ATAD2B: variants seen among roughly 807,000 people sequenced by gnomAD.
The protein encoded by ATAD2B is ATPase family AAA domain containing 2B.
A neutral mutation model predicts 167.6 loss-of-function variants in ATAD2B; 40 were observed. That is an observed-to-expected ratio of 0.24 (90% confidence interval 0.19 to 0.31). The LOEUF is 0.31. Among genes scored for constraint, ATAD2B ranks in the 10% least tolerant of loss-of-function variants. The pLI is 1.00. For synonymous variants in ATAD2B, 579 were observed against 596.5 expected, an observed-to-expected ratio of 0.97 and a Z score of 0.43; for missense variants, 1,242 against 1,757.2, an observed-to-expected ratio of 0.71 and a Z score of 5.24.
intron 18 of ATAD2B, among the ~76,000 whole-genome samples, chr2:23,799,388 C>T (rs1683099638): frequency 6.6e-6 from 1 of 151,820 alleles, no homozygotes. Context: ...GCCTGTCCAA[C>T]ATGGTGAAAT....
rs576309085 is a variant in ATAD2B, at chr2:23,837,757, G to C, written c.1569-3679C>G. 9.2e-5 allele frequency among the ~76,000 whole-genome samples: 14 copies of C among 152,342 alleles called. No individual in the cohort carries two copies. In the South Asian group the frequency reaches 2.9e-3, roughly 32 times the overall value. ...AGGGGGTTTTTAAATGTCTGGAAAT[G>C]TATATGACGCTTTAGTTTCTATTAT... On this transcript the variant is annotated intron_variant, in intron 13 of 27. Transcript: ENST00000238789.
chr2:23,878,411 G>A (rs568411328), intron 7 of ATAD2B, among the ~76,000 whole-genome samples: 4 of 151,540 alleles, frequency 2.6e-5, no homozygotes, highest in African/African-American at 9.7e-5. Context: ...GTAATCCCAG[G>A]ACTTTGGGAG....
At chr2:23,848,445 A>C (rs1338928426) in intron 13 of ATAD2B, among the ~76,000 whole-genome samples, 7 of 152,134 alleles carry the variant, frequency 4.6e-5, no homozygotes, top group Admixed American at 4.6e-4. Flanking sequence ...GCGCCACTAC[A>C]CTCCAGCCTG....
chr2:23,892,618 C>T (rs1160785111), intron 2 of ATAD2B, among the ~76,000 whole-genome samples: 2 of 152,070 alleles, frequency 1.3e-5, no homozygotes, highest in Non-Finnish European at 2.9e-5. Context: ...TACAGGCACG[C>T]GCCGCCTTGC....
chr2:23,834,113 T>C (rs1689502032), intron 13 of ATAD2B, 35 bp from the exon 14 acceptor site: 1 of 1,317,200 alleles, frequency 7.6e-7, no homozygotes, highest in Non-Finnish European at 1.0e-6. Context: ...TTAAAAGAAT[T>C]GTAAACACTG....
chr2:23,813,332 A>G (rs1181758885), intron 17 of ATAD2B, among the ~76,000 whole-genome samples: 1 of 148,240 alleles, frequency 6.7e-6, no homozygotes, highest in Non-Finnish European at 1.5e-5. Context: ...ATAATATATT[A>G]TAAAATAATA....
At chr2:23,786,998 T>G (rs991674396) in intron 20 of ATAD2B, among the ~76,000 whole-genome samples, 1 of 150,732 alleles carries the variant, frequency 6.6e-6, no homozygotes, top group African/African-American at 2.4e-5. Context: ...CCTCGTATTC[T>G]GAGTACAACA....
intron 1 of ATAD2B, among the ~76,000 whole-genome samples, chr2:23,905,074 C>A (rs1701312279): frequency 6.6e-6 from 1 of 151,958 alleles, no homozygotes; most frequent in South Asian, 2.1e-4. Context: ...ATAGAAGCGA[C>A]CTGTTAGTTT....
chr2:23,906,167 T>G (rs2150473887), intron 1 of ATAD2B, among the ~76,000 whole-genome samples: 1 of 151,920 alleles, frequency 6.6e-6, no homozygotes, highest in East Asian at 1.9e-4. Flanking sequence ...TGAAACCCTG[T>G]CTCTACTAAA....
chr2:23,877,211 G>C (rs116661837), intron 7 of ATAD2B, among the ~76,000 whole-genome samples: 1,860 of 152,132 alleles, frequency 0.012, 37 homozygotes, highest in African/African-American at 0.043. Flanking sequence ...AGGAGTTCCA[G>C]ACCATCCTAG....
At chr2:23,738,114 G>A in the ATAD2B span, among the ~76,000 whole-genome samples, 1 of 152,182 alleles carries the variant, frequency 6.6e-6, no homozygotes, top group South Asian at 2.1e-4. Context: ...AACCAAGTTG[G>A]AAAACACTCT....
chr2:23,851,540 C>A (rs2149902189), intron 13 of ATAD2B, among the ~76,000 whole-genome samples: 1 of 152,278 alleles, frequency 6.6e-6, no homozygotes, highest in East Asian at 1.9e-4. Context: ...CCCGCCTGCC[C>A]CTTCATATGT....
At chr2:23,839,148 T>G (rs1404746714) in intron 13 of ATAD2B, among the ~76,000 whole-genome samples, 1 of 152,168 alleles carries the variant, frequency 6.6e-6, no homozygotes, top group Non-Finnish European at 1.5e-5. Context: ...ATCTACAGGT[T>G]GCTTTGCAAT....
chr2:23,791,234 C>A (rs1415063912), intron 19 of ATAD2B, among the ~76,000 whole-genome samples: 2 of 152,172 alleles, frequency 1.3e-5, no homozygotes, highest in Non-Finnish European at 2.9e-5. Flanking sequence ...AGTACAACAA[C>A]TAGAAACATT....
rs370812876 is a variant in ATAD2B at position 23,754,676 on chromosome 2, G to A, written c.4177C>T (p.Pro1393Ser). The A allele has an allele frequency of 2.5e-6, 4 of 1,612,984 alleles. No individual in the cohort carries two copies. Among genetic ancestry groups the A allele is most frequent in the Non-Finnish European group, 3.4e-6 (4 of 1,179,310 alleles). ...VPEEPSEPVP[P>S]LIVDRERLKK... The stretch of plus-strand genomic sequence containing the variant: ...AATCTCTCACGATCAACTATAAGAG[G>A]AGGCACAGGCTCAGATGGCTCTTCT... The change falls in exon 26 of 28, where the codon CCT becomes TCT. Residue 1393 changes from proline (P) to serine (S), a missense_variant. This residue lies in a region of ATAD2B where 282 missense variants were observed against 346.8 expected (regional missense o/e 0.81). Transcript: ENST00000238789.
intron 20 of ATAD2B, among the ~76,000 whole-genome samples, chr2:23,787,197 T>C (rs1271018256): frequency 6.6e-6 from 1 of 152,108 alleles, no homozygotes; most frequent in East Asian, 1.9e-4. Flanking sequence ...TTAACTTTCC[T>C]AATTACAACG....
rs1704986668 is a variant in ATAD2B, at chr2:23,926,986, A to G, written c.-216T>C. On this transcript the variant is annotated 5_prime_UTR_variant, in exon 1 of 28. Coordinates refer to ENST00000238789, the MANE Select transcript of ATAD2B (RefSeq NM_017552.4). ...GTGCGGGAAGCGGGGGCGGTGCTGC[A>G]GACCGGCAGCACAGACACTCCGCCG... is the stretch of plus-strand genomic sequence containing the variant. 1.8e-6 allele frequency: 1 copy of G among 555,404 alleles called. No homozygotes were observed. The highest frequency in any genetic ancestry group is 2.6e-5 in the South Asian group (1 of 38,558). 34.4% of individuals were successfully genotyped at this position (555,404 alleles called of 1,614,324 possible).
chr2:23,911,334 C>T (rs1702270580), intron 1 of ATAD2B, among the ~76,000 whole-genome samples: 1 of 152,132 alleles, frequency 6.6e-6, no homozygotes, highest in Admixed American at 6.6e-5. Flanking sequence ...GTAGGCAGAT[C>T]GCTTGAGCCC....
chr2:23,810,470 G>A lies in ATAD2B; in HGVS notation c.2300C>T (p.Pro767Leu). 2 of 1,613,846 alleles carry A rather than the reference G, an allele frequency of 1.2e-6. No individual in the cohort carries two copies. Among genetic ancestry groups the A allele is most frequent in the Non-Finnish European group, 1.7e-6 (2 of 1,179,820 alleles). The change falls in exon 18 of 28, where the codon CCA (proline) becomes CTA (leucine). Residue 767 changes from proline to leucine, a missense_variant. This residue lies in a region of ATAD2B where 145 missense variants were observed against 181.9 expected (regional missense o/e 0.80). Transcript: ENST00000238789. ...CCGTTCTCCAGAGAGCAATAAGCGT[G>A]GCCTGTAAGAGGTTGGCTGATGATA... ...SPYHQPTSYRPRLLLSGERGS... is the reference protein window; with the variant it reads ...SPYHQPTSYRLRLLLSGERGS...
Sources: allele counts gnomAD v4.1 joint callset (sites outside exome capture counted in the v4.1 genomes callset), GRCh38; gene constraint gnomAD v4.1.1; regional missense constraint gnomAD v4.1.1; transcripts MANE v1.5; gene names NCBI Gene and HGNC (gene_info 2026-07-23, HGNC 2026-07-21).